The following ANKRD50 variants were observed in gnomAD, a reference collection of about 807,000 sequenced individuals.
ANKRD50 encodes ankyrin repeat domain-containing protein 50.
ANKRD50 carries 40 observed loss-of-function variants against 112.0 expected under a neutral mutation model. The observed-to-expected ratio is 0.36, with a 90% CI of 0.28 to 0.46. The LOEUF (loss-of-function observed/expected upper bound fraction) is 0.46, where lower values mean the gene tolerates loss of function less well. ANKRD50 is among the 20% of genes least tolerant of loss of function. The probability of loss-of-function intolerance (pLI) is 1.00; values close to 1 mark genes in which losing one functional copy is unlikely to be tolerated. For synonymous variants in ANKRD50, 613 were observed against 619.1 expected (o/e 0.99, Z 0.15); for missense variants, 1,487 against 1,701.7 (o/e 0.87, Z 2.22).
chr4:124,690,148 T>A (rs1725102476), intron 2 of ANKRD50, among the ~76,000 whole-genome samples: 1 of 152,186 alleles, frequency 6.6e-6, no homozygotes, highest in Non-Finnish European at 1.5e-5. Flanking sequence ...CATGTGTCAT[T>A]AAGAGAGGAG....
intron 3 of ANKRD50, among the ~76,000 whole-genome samples, chr4:124,674,506 A>G (rs889301643): frequency 2.6e-5 from 4 of 151,942 alleles, no homozygotes; most frequent in Non-Finnish European, 4.4e-5. Context: ...AAATATTTCT[A>G]TTTTAAAAAA....
chr4:124,665,689 G>A lies in ANKRD50; in HGVS notation c.*1829C>T, dbSNP rs1186464832. 1.3e-5 allele frequency: 2 copies of A among 152,246 alleles called. No individual in the cohort carries two copies. The highest frequency in any genetic ancestry group is 6.6e-5 in the Admixed American group (1 of 15,204). The allele number at this position is 152,246 out of a possible 1,614,324, so 9.4% of individuals were successfully genotyped here. ...TTTTATTTAATAAATGTCCCATAGG[G>A]ACAAGAATTCAATACTTGAAACATT... On this transcript the variant is annotated 3_prime_UTR_variant, in exon 5 of 5. Transcript: ENST00000504087.
intron 2 of ANKRD50, among the ~76,000 whole-genome samples, chr4:124,680,964 G>C (rs1196677650): frequency 6.6e-6 from 1 of 152,106 alleles, no homozygotes; most frequent in Non-Finnish European, 1.5e-5. Flanking sequence ...TAAATGCTGG[G>C]TATTATTATA....
intron 2 of ANKRD50, among the ~76,000 whole-genome samples, chr4:124,682,825 C>G (rs1724923791): frequency 6.6e-6 from 1 of 151,430 alleles, no homozygotes; most frequent in Non-Finnish European, 1.5e-5. Flanking sequence ...GTATTTTTAC[C>G]CAGTCAAATT....
intron 2 of ANKRD50, among the ~76,000 whole-genome samples, chr4:124,702,133 T>C (rs897459832): frequency 3.2e-4 from 48 of 152,328 alleles, no homozygotes; most frequent in African/African-American, 1.1e-3. Flanking sequence ...TGTGAGGTTA[T>C]AGAAACACAT....
chr4:124,689,924 T>G (rs201614138), intron 2 of ANKRD50, among the ~76,000 whole-genome samples: 1 of 152,106 alleles, frequency 6.6e-6, no homozygotes, highest in African/African-American at 2.4e-5. Context: ...CTTACATAAT[T>G]TGTTTTTTAA....
chr4:124,676,243 T>C (rs1578575546), intron 3 of ANKRD50, among the ~76,000 whole-genome samples: 1 of 151,702 alleles, frequency 6.6e-6, no homozygotes, highest in East Asian at 1.9e-4. Context: ...CTTATTTAAA[T>C]TGCAATTTTA....
chr4:124,711,346 G>A (rs890092100), intron 1 of ANKRD50, 72 bp from the exon 2 acceptor site: 1 of 152,158 alleles, frequency 6.6e-6, no homozygotes, highest in Admixed American at 6.5e-5. Context: ...GACAATAAAG[G>A]TTGCAGTGTA....
At chr4:124,704,633 G>A (rs1725464164) in intron 2 of ANKRD50, among the ~76,000 whole-genome samples, 1 of 152,100 alleles carries the variant, frequency 6.6e-6, no homozygotes, top group African/African-American at 2.4e-5. Flanking sequence ...ATTCTAGATA[G>A]GCAAGTAGCA....
chr4:124,699,012 G>C (rs1388220933), intron 2 of ANKRD50, among the ~76,000 whole-genome samples: 1 of 152,110 alleles, frequency 6.6e-6, no homozygotes, highest in Non-Finnish European at 1.5e-5. Flanking sequence ...TTTGAAAACT[G>C]TTGCTATAGA....
intron 2 of ANKRD50, among the ~76,000 whole-genome samples, chr4:124,689,516 T>C (rs1394710544): frequency 6.6e-6 from 1 of 152,204 alleles, no homozygotes; most frequent in Non-Finnish European, 1.5e-5. Flanking sequence ...CTTCCTAATG[T>C]GGGTGGTGGC....
intron 3 of ANKRD50, among the ~76,000 whole-genome samples, chr4:124,673,309 C>T (rs1362882804): frequency 6.6e-6 from 1 of 152,008 alleles, no homozygotes; most frequent in African/African-American, 2.4e-5. Flanking sequence ...ACTTATTAGA[C>T]AATTGTGTAT....
In ANKRD50 at chr4:124,669,891, T is replaced by TGCA; in HGVS notation, c.3383_3385dup (p.Val1128_Gln1129insLeu). On this transcript the variant is annotated inframe_insertion, in exon 4 of 5. Coordinates refer to ENST00000504087, the MANE Select transcript of ANKRD50 (RefSeq NM_020337.3). ...GCTATTTGATTTAATTGTTAATGAC[T>TGCA]GCACTTTTGAAGACAATGACTGTAG... The TGCA allele has an allele frequency of 6.2e-7, 1 of 1,613,492 alleles. No homozygotes were observed. Among genetic ancestry groups the TGCA allele is most frequent in the East Asian group, 2.2e-5 (1 of 44,864 alleles).
At chr4:124,685,572 T>A (rs1054451755) in intron 2 of ANKRD50, among the ~76,000 whole-genome samples, 1 of 152,188 alleles carries the variant, frequency 6.6e-6, no homozygotes, top group Non-Finnish European at 1.5e-5. Context: ...TTTATATACA[T>A]GTATATTATT....
In ANKRD50 at chr4:124,698,867, T is replaced by A. The variant is rs145242644; in HGVS notation, c.512+11133A>T. 6.5e-3 allele frequency among the ~76,000 whole-genome samples: 988 copies of A among 152,206 alleles called. 14 individuals are homozygous for A. The highest frequency in any genetic ancestry group is 0.022 in the African/African-American group (898 of 41,522). On this transcript the variant is annotated intron_variant, in intron 2 of 4. Coordinates refer to ENST00000504087, the MANE Select transcript of ANKRD50 (RefSeq NM_020337.3). ...ATGATATACTCCTCCATTTACTTAA[T>A]TTTTTTCAATTTTTCTTAATGTTTT...
chr4:124,706,057 T>C (rs1038506859), intron 2 of ANKRD50, among the ~76,000 whole-genome samples: 6 of 152,154 alleles, frequency 3.9e-5, no homozygotes, highest in Admixed American at 6.5e-5. Context: ...TAAATGTTCA[T>C]GTGTTTCATG....
intron 3 of ANKRD50, among the ~76,000 whole-genome samples, chr4:124,674,144 T>C (rs1449047258): frequency 6.6e-6 from 1 of 152,004 alleles, no homozygotes; most frequent in Non-Finnish European, 1.5e-5. Flanking sequence ...AAATACCTAG[T>C]ACATTGCTAA....
intron 2 of ANKRD50, among the ~76,000 whole-genome samples, chr4:124,693,875 T>C (rs1725191656): frequency 6.6e-6 from 1 of 152,156 alleles, no homozygotes; most frequent in African/African-American, 2.4e-5. Flanking sequence ...CTTTCTAAAA[T>C]AGTTGGGGAG....
chr4:124,692,297 G>A (rs1725156492), intron 2 of ANKRD50, among the ~76,000 whole-genome samples: 1 of 152,084 alleles, frequency 6.6e-6, no homozygotes, highest in Non-Finnish European at 1.5e-5. Flanking sequence ...AAACTCTCAA[G>A]TACTAAACAC....
Sources: allele counts gnomAD v4.1 joint callset (sites outside exome capture counted in the v4.1 genomes callset), GRCh38; gene constraint gnomAD v4.1.1; transcripts MANE v1.5; gene names NCBI Gene and HGNC (gene_info 2026-07-23, HGNC 2026-07-21).